The following EIPR1 variants were observed in gnomAD, a reference collection of about 807,000 sequenced individuals.
The protein encoded by EIPR1 is EARP and GARP complex-interacting protein 1.
Under a neutral mutation model 48.1 loss-of-function variants are expected in EIPR1, and 25 were observed. That is an observed-to-expected ratio of 0.52 (90% CI 0.38 to 0.73). The LOEUF is 0.73. EIPR1 is among the 30% of genes least tolerant of loss of function. EIPR1 has a pLI of 0.00. For missense variants in EIPR1, 415 were observed against 506.2 expected (o/e 0.82, Z 1.73); for synonymous variants, 204 against 201.9 (o/e 1.01, Z -0.09).
At chr2:3,316,777 C>T (rs1340586418) in intron 3 of EIPR1, among the ~76,000 whole-genome samples, 1 of 152,254 alleles carries the variant, frequency 6.6e-6, no homozygotes, top group Non-Finnish European at 1.5e-5. Context: ...GGCCACCAGG[C>T]TCCTTGGCCT....
chr2:3,254,261 G>A (rs1222660026), intron 4 of EIPR1, among the ~76,000 whole-genome samples: 1 of 152,172 alleles, frequency 6.6e-6, no homozygotes, highest in Non-Finnish European at 1.5e-5. Context: ...TGGGGAGGAC[G>A]CAGAGAGGAG....
Position 3,192,530 on chromosome 2 carries a change from G to T in EIPR1, c.873C>A (p.Gly291=). ...AAAGGATGACTCTGCTGTCACTGCT[G>T]CCCGTGAGGACCAGCTGGTCATGAG... ...NHSHDQLVLT[G]SSDSRVILSN... The change falls in exon 8 of 9, where the codon GGC becomes GGA. Residue 291 remains glycine, a synonymous_variant. Coordinates refer to ENST00000382125, the MANE Select transcript of EIPR1 (RefSeq NM_003310.5). 6.2e-7 allele frequency: 1 copy of T among 1,613,030 alleles called. No individual in the cohort carries two copies. Among genetic ancestry groups the T allele is most frequent in the Non-Finnish European group, 8.5e-7 (1 of 1,179,870 alleles).
intron 4 of EIPR1, among the ~76,000 whole-genome samples, chr2:3,215,237 CT>C (rs1303606068): frequency 6.6e-6 from 1 of 152,148 alleles, no homozygotes; most frequent in Non-Finnish European, 1.5e-5. Flanking sequence ...GGTGGAGAGT[CT>C]TATGGAGGCA....
chr2:3,293,424 T>C (rs754079601), intron 3 of EIPR1, among the ~76,000 whole-genome samples: 2 of 152,220 alleles, frequency 1.3e-5, no homozygotes, highest in Non-Finnish European at 2.9e-5. Flanking sequence ...AGATGTGGCC[T>C]GCTTTTTCTC....
rs1207361147 is a variant in EIPR1 at position 3,208,670 on chromosome 2, A to G, written c.516+5479T>C. 8.4e-6 allele frequency: 13 copies of G among 1,550,498 alleles called. No individual in the cohort carries two copies. The Admixed American group carries it at 1.6e-4, about 19-fold the overall frequency. ...GGCATATGGCTGACTTCTTGCAGTC[A>G]TAACTCAACCCCAATTCCCCCAGGA... On this transcript the variant is annotated intron_variant, in intron 5 of 8. Coordinates refer to ENST00000382125, the MANE Select transcript of EIPR1 (RefSeq NM_003310.5).
rs114605805 is a variant in EIPR1, at chr2:3,318,804, T to C, written c.259+19213A>G. The C allele has an allele frequency of 2.9e-3, 1,343 of 466,302 alleles. 15 individuals carry two copies. Among genetic ancestry groups the C allele is most frequent in the African/African-American group, 0.025 (1,231 of 50,110 alleles). The allele number at this position is 466,302 out of a possible 1,614,324, so 28.9% of individuals were successfully genotyped here. A position where few individuals can be genotyped will look rare whatever the true frequency, so the allele number is the denominator to read the frequency against. ...CGTGCTACTCCTCGATCGCCACACATGCACCCCAAACTCAGGAGGGGTGCT... is the reference window on the plus strand; with the variant it reads ...CGTGCTACTCCTCGATCGCCACACACGCACCCCAAACTCAGGAGGGGTGCT... On this transcript the variant is annotated intron_variant, in intron 3 of 8. Transcript: ENST00000382125.
At chr2:3,362,523 A>C (rs985561332) in intron 1 of EIPR1, among the ~76,000 whole-genome samples, 1 of 152,120 alleles carries the variant, frequency 6.6e-6, no homozygotes, top group African/African-American at 2.4e-5. Context: ...TCTGGACTTC[A>C]GGTTTTAAGC....
intron 1 of EIPR1, among the ~76,000 whole-genome samples, chr2:3,373,825 T>C (rs1659775102): frequency 6.6e-6 from 1 of 151,648 alleles, no homozygotes; most frequent in Non-Finnish European, 1.5e-5. Context: ...ATAGATTCAA[T>C]GCCATCCCCA....
intron 4 of EIPR1, among the ~76,000 whole-genome samples, chr2:3,241,641 G>A (rs1444152175): frequency 1.3e-5 from 2 of 152,128 alleles, no homozygotes; most frequent in Non-Finnish European, 2.9e-5. Context: ...GACATAAAAC[G>A]ATATGAACAA....
chr2:3,262,364 A>G (rs1667360289), intron 3 of EIPR1, among the ~76,000 whole-genome samples: 1 of 152,240 alleles, frequency 6.6e-6, no homozygotes, highest in African/African-American at 2.4e-5. Flanking sequence ...GGCAGGAAAC[A>G]CAAGCTATGG....
chr2:3,257,837 ACGG>A (rs1667209798), intron 3 of EIPR1, among the ~76,000 whole-genome samples: 1 of 152,220 alleles, frequency 6.6e-6, no homozygotes, highest in South Asian at 2.1e-4. Flanking sequence ...TTGGCATTAA[ACGG>A]GTTTTCTCTC....
chr2:3,292,198 A>G (rs1222136641), intron 3 of EIPR1, among the ~76,000 whole-genome samples: 2 of 152,238 alleles, frequency 1.3e-5, no homozygotes, highest in Non-Finnish European at 2.9e-5. Context: ...ACTTTCCCTA[A>G]GTCCTCAGGT....
rs146341821 is a variant in EIPR1 at position 3,339,044 on chromosome 2, G to A, written c.127-895C>T. Reference sequence around the variant, plus strand: ...TAGGAAACTGTTCAAATAAATTGCAGTATTTGATGGTAATATTGTGACGCC... The same window carrying A: ...TAGGAAACTGTTCAAATAAATTGCAATATTTGATGGTAATATTGTGACGCC... On this transcript the variant is annotated intron_variant, in intron 2 of 8. Coordinates refer to ENST00000382125, the MANE Select transcript of EIPR1 (RefSeq NM_003310.5). Among the ~76,000 whole-genome samples, 179 of 152,318 alleles carry A rather than the reference G, an allele frequency of 1.2e-3. 1 individual carries two copies. The highest frequency in any genetic ancestry group is 3.8e-3 in the African/African-American group (157 of 41,568).
chr2:3,299,624 TCACACACA>T (rs3064647), intron 3 of EIPR1, among the ~76,000 whole-genome samples: 6 of 136,718 alleles, frequency 4.4e-5, no homozygotes, highest in East Asian at 4.2e-4. Context: ...TCTCTCTCTC[TCACACACA>T]CACACACACA....
chr2:3,282,241 C>T (rs1668035522), intron 3 of EIPR1, among the ~76,000 whole-genome samples: 1 of 152,246 alleles, frequency 6.6e-6, no homozygotes, highest in Non-Finnish European at 1.5e-5. Context: ...GGGGGCACTG[C>T]CCCTCTGTGC....
chr2:3,237,461 T>C (rs1304255367), intron 4 of EIPR1, among the ~76,000 whole-genome samples: 2 of 152,174 alleles, frequency 1.3e-5, no homozygotes, highest in South Asian at 2.1e-4. Flanking sequence ...CATTACTGCA[T>C]TGAGCTCTTA....
intron 4 of EIPR1, among the ~76,000 whole-genome samples, chr2:3,224,039 T>C (rs932930622): frequency 2.6e-5 from 4 of 152,210 alleles, no homozygotes; most frequent in African/African-American, 9.7e-5. Context: ...TTGTACTTTT[T>C]AATGTCTGTT....
At chr2:3,219,275 G>A (rs1447209495) in intron 4 of EIPR1, among the ~76,000 whole-genome samples, 6 of 146,004 alleles carry the variant, frequency 4.1e-5, no homozygotes, top group East Asian at 2.0e-4. Context: ...CACTCAACAC[G>A]ACCCTGGTAT....
At chr2:3,322,146 C>A (rs1201171638) in intron 3 of EIPR1, among the ~76,000 whole-genome samples, 3 of 152,234 alleles carry the variant, frequency 2.0e-5, no homozygotes, top group Non-Finnish European at 4.4e-5. Context: ...TCAGCACGGT[C>A]CTCCCCTGGC....
Sources: allele counts gnomAD v4.1 joint callset (sites outside exome capture counted in the v4.1 genomes callset), GRCh38; gene constraint gnomAD v4.1.1; transcripts MANE v1.5; gene names NCBI Gene and HGNC (gene_info 2026-07-23, HGNC 2026-07-21).